The following KDM4C variants were observed in gnomAD, a reference collection of about 807,000 sequenced individuals.
KDM4C encodes the protein lysine-specific demethylase 4C.
KDM4C carries 81 observed loss-of-function variants against 129.3 expected under a neutral mutation model. The observed-to-expected ratio is 0.63, with a 90% confidence interval of 0.52 to 0.75. The LOEUF is 0.75. Among genes scored for constraint, KDM4C ranks in the 30% least tolerant of loss-of-function variants. The pLI, the probability that KDM4C is intolerant of heterozygous loss-of-function variation, is 0.00. For missense variants in KDM4C, 1,457 were observed against 1,304.0 expected, an observed-to-expected ratio of 1.12 and a Z score of -1.81; for synonymous variants, 573 against 456.1, an observed-to-expected ratio of 1.26 and a Z score of -3.26.
chr9:6,925,388 A>C (rs1822286070), intron 8 of KDM4C: 1 of 985,112 alleles, frequency 1.0e-6, no homozygotes, highest in African/African-American at 1.7e-5. Context: ...GTAAATTAAA[A>C]GCTTTTTTTC....
At chr9:6,748,648 A>T in intron 1 of KDM4C, 1 of 921,460 alleles carries the variant, frequency 1.1e-6, no homozygotes, top group East Asian at 2.4e-5. Context: ...TGGACAAAGG[A>T]CGTCTAAAAA....
intron 15 of KDM4C, among the ~76,000 whole-genome samples, chr9:7,034,498 A>G (rs1286476200): frequency 6.6e-6 from 1 of 152,164 alleles, no homozygotes; most frequent in Non-Finnish European, 1.5e-5. Context: ...AATGTCCTCC[A>G]GTTCCTTCCA....
chr9:6,957,848 C>A (rs1181597341), intron 8 of KDM4C, among the ~76,000 whole-genome samples: 1 of 152,162 alleles, frequency 6.6e-6, no homozygotes, highest in Non-Finnish European at 1.5e-5. Context: ...GCCTAACCCT[C>A]CTGAACCTCA....
At chr9:6,721,077 C>T in intron 1 of KDM4C, 1 of 1,322,858 alleles carries the variant, frequency 7.6e-7, no homozygotes, top group Non-Finnish European at 1.1e-6. Context: ...ATGTTAATTT[C>T]TTTATTTTTA....
chr9:7,058,901 T>A (rs1831239557), intron 17 of KDM4C, among the ~76,000 whole-genome samples: 1 of 152,098 alleles, frequency 6.6e-6, no homozygotes, highest in Admixed American at 6.6e-5. Context: ...ATCATTACTT[T>A]GATTTGTGTA....
chr9:6,874,095 A>G (rs1843216249), intron 5 of KDM4C, among the ~76,000 whole-genome samples: 1 of 152,236 alleles, frequency 6.6e-6, no homozygotes, highest in Non-Finnish European at 1.5e-5. Flanking sequence ...CTGATGACAC[A>G]TCACCATAAC....
In KDM4C at chr9:6,752,189, C is replaced by T. The variant is rs563744575; in HGVS notation, c.49+31192C>T. Among the ~76,000 whole-genome samples the T allele has an allele frequency of 2.2e-4, 33 of 150,400 alleles. No individual in the cohort carries two copies. In the East Asian group the frequency reaches 3.4e-3, roughly 15 times the overall value. On this transcript the variant is annotated intron_variant, in intron 1 of 17. Coordinates refer to the KDM4C transcript ENST00000536108. ...TCTACTAAAAATACAAAAAATTAGCCGGGCATGGTGGCGCGCGCCTGTAGT... is the reference window on the plus strand; with the variant it reads ...TCTACTAAAAATACAAAAAATTAGCTGGGCATGGTGGCGCGCGCCTGTAGT...
intron 19 of KDM4C, among the ~76,000 whole-genome samples, chr9:7,156,336 G>A (rs1320026009): frequency 1.2e-4 from 18 of 152,146 alleles, no homozygotes; most frequent in Admixed American, 1.2e-3. Flanking sequence ...TTCTTTTGCT[G>A]TGCAGAAGCT....
intron 19 of KDM4C, among the ~76,000 whole-genome samples, chr9:7,162,314 T>A (rs1367252140): frequency 6.6e-6 from 1 of 152,220 alleles, no homozygotes; most frequent in Admixed American, 6.5e-5. Flanking sequence ...ATGAATTTTA[T>A]CTTTGTGGCT....
intron 17 of KDM4C, among the ~76,000 whole-genome samples, chr9:7,055,865 GCTTT>G (rs566109354): frequency 2.2e-4 from 34 of 152,254 alleles, no homozygotes; most frequent in African/African-American, 7.9e-4. Flanking sequence ...GAGCAACTTG[GCTTT>G]CTTTCTGAAA....
intron 8 of KDM4C, chr9:6,902,824 TA>T (rs1817633930): frequency 6.6e-6 from 1 of 152,234 alleles, no homozygotes; most frequent in East Asian, 1.9e-4. Flanking sequence ...CATTCAGGTG[TA>T]CTTTTTTGCT....
intron 8 of KDM4C, among the ~76,000 whole-genome samples, chr9:6,932,629 C>G (rs780076529): frequency 6.6e-6 from 1 of 152,200 alleles, no homozygotes; most frequent in Admixed American, 6.5e-5. Context: ...GGTTAAGTGT[C>G]TCCCCCTGGT....
intron 1 of KDM4C, among the ~76,000 whole-genome samples, chr9:6,763,734 A>G (rs983717335): frequency 6.6e-6 from 1 of 152,146 alleles, no homozygotes; most frequent in Non-Finnish European, 1.5e-5. Flanking sequence ...ATAATCAGTT[A>G]TTGCCCTTTT....
At chr9:6,780,029 A>G (rs931189459) in intron 1 of KDM4C, among the ~76,000 whole-genome samples, 13 of 152,186 alleles carry the variant, frequency 8.5e-5, no homozygotes, top group African/African-American at 1.2e-4. Flanking sequence ...CTACTATAGT[A>G]GCTCTGACTC....
In KDM4C at chr9:6,849,538, A is replaced by T. The variant is rs775599199; in HGVS notation, c.467A>T (p.Asn156Ile). ...GVDEWNIARLNTVLDVVEEEC... is the reference protein window; with the variant it reads ...GVDEWNIARLITVLDVVEEEC... ...GATGAATGGAACATAGCTCGCCTCA[A>T]TACAGTCTTGGATGTGGTTGAAGAA... Residue 156 changes from asparagine (N) to isoleucine (I), a missense_variant, in exon 5 of 22, where the codon AAT becomes ATT. Physicochemically the swap from Asn to Ile is moderately radical, Grantham distance 149. Coordinates refer to ENST00000381309, the MANE Select transcript of KDM4C (RefSeq NM_015061.6). 6.2e-7 allele frequency: 1 copy of T among 1,609,308 alleles called. No individual in the cohort carries two copies. The highest frequency in any genetic ancestry group is 1.1e-5 in the South Asian group (1 of 90,568).
rs189129254 is a variant in KDM4C, at chr9:7,165,878, G to T, written c.2901+521G>T. ...TCCACCCAAGCTTAAAGGAATGCTT[G>T]TTTAAATGAAAAGTACAGCTATCAG... On this transcript the variant is annotated intron_variant, in intron 20 of 21. Coordinates refer to ENST00000381309, the MANE Select transcript of KDM4C (RefSeq NM_015061.6). 8.1e-4 allele frequency among the ~76,000 whole-genome samples: 124 copies of T among 152,320 alleles called. 1 individual carries two copies. Among genetic ancestry groups the T allele is most frequent in the Non-Finnish European group, 2.4e-4 (16 of 68,028 alleles).
At chr9:7,019,169 G>T (rs1414174588) in intron 15 of KDM4C, among the ~76,000 whole-genome samples, 2 of 152,130 alleles carry the variant, frequency 1.3e-5, no homozygotes, top group South Asian at 2.1e-4. Context: ...CTCTGATTTA[G>T]TGTCGTGGTG....
chr9:6,749,324 T>A (rs1427365960), intron 1 of KDM4C, among the ~76,000 whole-genome samples: 1 of 151,980 alleles, frequency 6.6e-6, no homozygotes, highest in Non-Finnish European at 1.5e-5. Flanking sequence ...TGGCCAGGAA[T>A]CCTTAAAAAG....
chr9:7,036,538 C>T (rs1351703991), intron 15 of KDM4C, among the ~76,000 whole-genome samples: 2 of 152,148 alleles, frequency 1.3e-5, no homozygotes, highest in Non-Finnish European at 2.9e-5. Flanking sequence ...ACAAACAGAA[C>T]ATGATTTTCT....
Sources: gnomAD v4.1 joint callset for allele counts (sites outside exome capture counted in the v4.1 genomes callset) on GRCh38, gnomAD v4.1.1 for gene constraint, MANE v1.5 for transcripts, NCBI Gene and HGNC (gene_info 2026-07-23, HGNC 2026-07-21) for gene names.